Variants in ROBO2 observed in about 807,000 individuals in gnomAD.
The protein encoded by ROBO2 is roundabout homolog 2.
ROBO2 carries 53 observed loss-of-function variants against 160.8 expected under a neutral mutation model. The ratio of observed to expected loss-of-function variants is 0.33; its 90% CI spans 0.26 to 0.41. The LOEUF is 0.41. ROBO2 is among the 10% of genes least tolerant of loss of function. ROBO2 has a pLI of 1.00. For missense variants in ROBO2, 1,577 were observed against 1,722.4 expected (o/e 0.92, Z 1.49); for synonymous variants, 664 against 611.7 (o/e 1.09, Z -1.26).
At chr3:77,233,375 G>C (rs76458332) in intron 2 of ROBO2, among the ~76,000 whole-genome samples, 1 of 152,142 alleles carries the variant, frequency 6.6e-6, no homozygotes, top group African/African-American at 2.4e-5. Flanking sequence ...TAGCACATCT[G>C]AAGCTGTTAT....
At chr3:76,795,973 C>A (rs1008012687) in intron 2 of ROBO2, among the ~76,000 whole-genome samples, 1 of 152,094 alleles carries the variant, frequency 6.6e-6, no homozygotes, top group African/African-American at 2.4e-5. Flanking sequence ...TTATACATCT[C>A]CATCAGAACT....
chr3:77,491,307 A>G (rs1170501276), intron 4 of ROBO2, among the ~76,000 whole-genome samples: 1 of 152,196 alleles, frequency 6.6e-6, no homozygotes, highest in Non-Finnish European at 1.5e-5. Flanking sequence ...GGAACAGGAA[A>G]GGTCTCCTCT....
At chr3:75,988,680 T>C (rs1004199601) in intron 2 of ROBO2, among the ~76,000 whole-genome samples, 3 of 152,042 alleles carry the variant, frequency 2.0e-5, no homozygotes, top group African/African-American at 7.2e-5. Context: ...TGTTTTGTTT[T>C]TGTTTTTATT....
chr3:76,555,358 G>GGAGGAAGAGGAGGAAGAGGAAGAAGAAGA (rs1201244951), intron 2 of ROBO2, among the ~76,000 whole-genome samples: 1 of 57,932 alleles, frequency 1.7e-5, no homozygotes, highest in African/African-American at 5.2e-5. Context: ...AGTAGGAAGA[G>GGAGGAAGAGGAGGAAGAGGAAGAAGAAGA]AGAAGAAGAA....
At position 77,181,836 on chromosome 3, in the gene ROBO2, C is replaced by T. The variant is rs115318448; in HGVS notation, c.388+83496C>T. 9.0e-3 allele frequency among the ~76,000 whole-genome samples: 1,370 copies of T among 152,046 alleles called. 13 individuals carry two copies. The highest frequency in any genetic ancestry group is 9.7e-3 in the Non-Finnish European group (658 of 67,964). The stretch of plus-strand genomic sequence containing the variant: ...AAAATGCGAAGTCTCATATCAATTA[C>T]GTAACATATTTTTGCACCAAGTCCA... On this transcript the variant is annotated intron_variant, in intron 2 of 25. Transcript: ENST00000461745.
At chr3:77,507,304 T>C (rs2088689416) in intron 5 of ROBO2, among the ~76,000 whole-genome samples, 3 of 152,212 alleles carry the variant, frequency 2.0e-5, no homozygotes, top group African/African-American at 7.2e-5. Context: ...ATCCCTCTGA[T>C]AATGTAGTCA....
chr3:77,000,552 T>G (rs2061284229), intron 2 of ROBO2, among the ~76,000 whole-genome samples: 2 of 150,932 alleles, frequency 1.3e-5, no homozygotes. Context: ...CATTAGAAAC[T>G]TATTTATAGG....
chr3:76,733,391 A>G (rs1177771099), intron 2 of ROBO2, among the ~76,000 whole-genome samples: 1 of 152,204 alleles, frequency 6.6e-6, no homozygotes, highest in East Asian at 1.9e-4. Context: ...CAAGTATTAG[A>G]AAACAAAATT....
At chr3:77,537,353 T>G (rs1472900011) in intron 6 of ROBO2, among the ~76,000 whole-genome samples, 1 of 152,148 alleles carries the variant, frequency 6.6e-6, no homozygotes, top group Non-Finnish European at 1.5e-5. Flanking sequence ...CCAAGACTGT[T>G]TCTAAACTGT....
intron 2 of ROBO2, among the ~76,000 whole-genome samples, chr3:76,073,505 A>G (rs999441565): frequency 1.3e-5 from 2 of 151,290 alleles, no homozygotes; most frequent in African/African-American, 4.9e-5. Flanking sequence ...GTTAGCCAGG[A>G]TGGTCTCGAT....
At chr3:77,420,101 A>C (rs975177856) in intron 2 of ROBO2, among the ~76,000 whole-genome samples, 18 of 152,132 alleles carry the variant, frequency 1.2e-4, no homozygotes. Flanking sequence ...ATTAAAAAAA[A>C]ATTCTTTAAT....
chr3:77,645,488 T>G (rs569515358), intron 25 of ROBO2, among the ~76,000 whole-genome samples: 9 of 152,168 alleles, frequency 5.9e-5, no homozygotes, highest in African/African-American at 2.2e-4. Flanking sequence ...AAATTAAGAA[T>G]GTCACAGCAA....
chr3:77,016,931 T>A (rs893210874), intron 2 of ROBO2, among the ~76,000 whole-genome samples: 1 of 152,176 alleles, frequency 6.6e-6, no homozygotes, highest in Non-Finnish European at 1.5e-5. Context: ...TGAAGTAAGC[T>A]TCATATATTA....
chr3:77,439,528 C>T (rs978237414), intron 2 of ROBO2, among the ~76,000 whole-genome samples: 1 of 152,072 alleles, frequency 6.6e-6, no homozygotes. Context: ...TATTCTCTGG[C>T]ATTTGCTGAA....
intron 2 of ROBO2, among the ~76,000 whole-genome samples, chr3:76,544,238 A>T (rs1277344728): frequency 6.6e-6 from 1 of 152,088 alleles, no homozygotes; most frequent in East Asian, 1.9e-4. Context: ...TCATCCTTCA[A>T]GATTCCTCTT....
chr3:76,776,412 T>A (rs534705496), intron 2 of ROBO2, among the ~76,000 whole-genome samples: 32 of 151,120 alleles, frequency 2.1e-4, no homozygotes, highest in African/African-American at 7.2e-4. Flanking sequence ...TGTGTTTAGC[T>A]CATATAAATA....
At chr3:76,466,760 A>G (rs150174629) in intron 2 of ROBO2, among the ~76,000 whole-genome samples, 1 of 152,130 alleles carries the variant, frequency 6.6e-6, no homozygotes, top group East Asian at 1.9e-4. Context: ...TACATTCAGA[A>G]CATCAGGGAC....
intron 2 of ROBO2, among the ~76,000 whole-genome samples, chr3:76,673,658 G>T (rs1011266158): frequency 6.6e-6 from 1 of 152,070 alleles, no homozygotes; most frequent in African/African-American, 2.4e-5. Context: ...AAAAAGTTCA[G>T]ATTGTGGAGA....
intron 2 of ROBO2, among the ~76,000 whole-genome samples, chr3:76,997,155 A>G (rs553319392): frequency 5.0e-4 from 76 of 152,286 alleles, no homozygotes; most frequent in Middle Eastern, 3.4e-3. Context: ...AAATAGAAAT[A>G]ATTGTTTTTG....
Sources: allele counts gnomAD v4.1 joint callset (sites outside exome capture counted in the v4.1 genomes callset), GRCh38; gene constraint gnomAD v4.1.1; transcripts MANE v1.5; gene names NCBI Gene and HGNC (gene_info 2026-07-23, HGNC 2026-07-21).